Variants in SPG11 observed in about 807,000 individuals in gnomAD.
SPG11 encodes SPG11 vesicle trafficking associated, spatacsin, also known as spatacsin.
SPG11 carries 222 observed loss-of-function variants against 274.0 expected under a neutral mutation model. The observed-to-expected ratio is 0.81, with a 90% CI of 0.73 to 0.91. SPG11 has a LOEUF of 0.91. Among genes scored for constraint, SPG11 ranks in the 40% least tolerant of loss-of-function variants. SPG11 has a pLI of 0.00. For synonymous variants in SPG11, 1,144 were observed against 1,039.7 expected (o/e 1.10, Z -1.93); for missense variants, 3,114 against 2,872.7 (o/e 1.08, Z -1.92).
At chr15:44,598,981 T>C (rs2083115752) in intron 21 of SPG11, 145 bp from the exon 22 acceptor site, 1 of 817,144 alleles carries the variant, frequency 1.2e-6, no homozygotes, top group Non-Finnish European at 2.0e-6. Flanking sequence ...CCCTTGCACA[T>C]ACCCGTTTAG....
At chr15:44,648,112 C>T (rs1213657529) in intron 7 of SPG11, among the ~76,000 whole-genome samples, 1 of 152,170 alleles carries the variant, frequency 6.6e-6, no homozygotes, top group Non-Finnish European at 1.5e-5. Flanking sequence ...CAATCTGTCT[C>T]ATATGGTTGT....
rs868063451 is a variant in SPG11 at position 44,610,344 on chromosome 15, G to A, written c.3291+496C>T. Among the ~76,000 whole-genome samples, 7 of 151,806 alleles carry A rather than the reference G, an allele frequency of 4.6e-5. No individual in the cohort carries two copies. In the South Asian group the frequency reaches 1.2e-3, roughly 27 times the overall value. On this transcript the variant is annotated intron_variant, in intron 18 of 39. Transcript: ENST00000261866. ...GCTGGAATTACAAATGTGAGCCACCGCACTTGGCTTCATTCACTTTAAACT... is the reference window on the plus strand; with the variant it reads ...GCTGGAATTACAAATGTGAGCCACCACACTTGGCTTCATTCACTTTAAACT...
At chr15:44,657,330 T>C (rs1355858827) in intron 3 of SPG11, 34 bp from the exon 4 acceptor site, 1 of 1,592,374 alleles carries the variant, frequency 6.3e-7, no homozygotes, top group East Asian at 2.2e-5. Flanking sequence ...ATGCCAGTTT[T>C]GTAAGTATGC....
chr15:44,569,183 AAG>A (rs1491260144), intron 35 of SPG11, among the ~76,000 whole-genome samples: 3 of 149,602 alleles, frequency 2.0e-5, no homozygotes, highest in Non-Finnish European at 4.4e-5. Flanking sequence ...AAAAAAGAAA[AAG>A]AAAAAAAAAA....
intron 7 of SPG11, 94 bp from the exon 8 acceptor site, chr15:44,633,731 T>TG: frequency 7.4e-7 from 1 of 1,359,418 alleles, no homozygotes; most frequent in Non-Finnish European, 1.0e-6. Flanking sequence ...GAATTTAATG[T>TG]GGTGAGACTA....
Position 44,563,134 on chromosome 15 carries a change from A to G in SPG11, c.7319T>C (p.Met2440Thr), listed in dbSNP as rs2082227527. The G allele has an allele frequency of 6.2e-7, 1 of 1,614,168 alleles. No individual in the cohort carries two copies. The highest frequency in any genetic ancestry group is 2.2e-5 in the East Asian group (1 of 44,868). ...DPQTGCCLKD[M>T]LAG Reference sequence around the variant, plus strand: ...CTATGAAATCATCTAACCTGCTAGCATGTCCTTTAGACAGCAACCTGTCTG... The same window carrying G: ...CTATGAAATCATCTAACCTGCTAGCGTGTCCTTTAGACAGCAACCTGTCTG... The change falls in exon 40 of 40, where the codon ATG becomes ACG. Residue 2440 changes from methionine to threonine, a missense_variant. Transcript: ENST00000261866.
intron 30 of SPG11, among the ~76,000 whole-genome samples, chr15:44,580,464 CAGAG>C (rs1251329509): frequency 6.6e-6 from 1 of 152,032 alleles, no homozygotes. Context: ...ATCTGAACAA[CAGAG>C]AGAAAAAAAG....
At chr15:44,650,783 T>C (rs1051211928) in intron 6 of SPG11, among the ~76,000 whole-genome samples, 7 of 152,158 alleles carry the variant, frequency 4.6e-5, no homozygotes, top group African/African-American at 1.7e-4. Flanking sequence ...GGAGTCTCAC[T>C]GTCTCCCAGG....
In SPG11 at chr15:44,592,693, G is replaced by A. The variant is rs1057376870; in HGVS notation, c.4636-255C>T. Among the ~76,000 whole-genome samples the A allele has an allele frequency of 5.3e-5, 8 of 152,072 alleles. 1 individual carries two copies. The highest frequency in any genetic ancestry group is 3.9e-4 in the Admixed American group (6 of 15,278). Reference sequence around the variant, plus strand: ...AAAGTAGCCAGGCATGGTGGTGCATGCCTGCAATCACAGCTACTCCAGAGG... The same window carrying A: ...AAAGTAGCCAGGCATGGTGGTGCATACCTGCAATCACAGCTACTCCAGAGG... On this transcript the variant is annotated intron_variant, in intron 26 of 39. Coordinates refer to ENST00000261866, the MANE Select transcript of SPG11 (RefSeq NM_025137.4).
intron 26 of SPG11, among the ~76,000 whole-genome samples, chr15:44,593,949 T>C (rs1307096110): frequency 6.6e-5 from 10 of 150,628 alleles, no homozygotes; most frequent in African/African-American, 2.2e-4. Context: ...TTTGTATTTT[T>C]AGTAGAGACG....
chr15:44,638,200 G>T (rs1165399337), intron 7 of SPG11, among the ~76,000 whole-genome samples: 1 of 152,160 alleles, frequency 6.6e-6, no homozygotes, highest in Non-Finnish European at 1.5e-5. Context: ...GGTGGCTCAC[G>T]CCTGTAATCC....
intron 27 of SPG11, 71 bp from the exon 28 acceptor site, chr15:44,589,485 G>C: frequency 1.9e-6 from 3 of 1,588,598 alleles, no homozygotes; most frequent in Non-Finnish European, 2.6e-6. Flanking sequence ...TCCAAATCTG[G>C]GAACCTCTAA....
rs2140920859 is a variant in SPG11, at chr15:44,569,428, A to T, written c.6555T>A (p.Phe2185Leu). ...IFDLLHKKHY[F>L]EVLMRKKLDP... ...CCAACTTCTTCCTCATTAGCACTTC[A>T]AAGTAGTGCTTTTTATGCAGCAAAT... is the stretch of plus-strand genomic sequence containing the variant. The change falls in exon 35 of 40, where the codon TTT (phenylalanine) becomes TTA (leucine). Residue 2185 changes from phenylalanine to leucine, a missense_variant. Physicochemically the swap from Phe to Leu is conservative, Grantham distance 22 (BLOSUM62 0). Coordinates refer to ENST00000261866, the MANE Select transcript of SPG11 (RefSeq NM_025137.4). 3 of 1,606,486 alleles carry T rather than the reference A, an allele frequency of 1.9e-6. No individual in the cohort carries two copies. The highest frequency in any genetic ancestry group is 2.6e-6 in the Non-Finnish European group (3 of 1,175,804).
chr15:44,655,221 A>G (rs2084904117), intron 4 of SPG11, among the ~76,000 whole-genome samples: 1 of 152,156 alleles, frequency 6.6e-6, no homozygotes, highest in African/African-American at 2.4e-5. Context: ...TGGGCCCAGG[A>G]GTTTGAGTCC....
intron 24 of SPG11, 107 bp downstream of exon 24, chr15:44,596,660 CAAAAAAAAAAAAAAAAA>C (rs5812279): frequency 8.1e-5 from 22 of 271,424 alleles, no homozygotes; most frequent in South Asian, 2.1e-4. Context: ...GTATCCTGGT[CAAAAAAAAAAAAAAAAA>C]AAAAAAAAAA....
chr15:44,660,344 T>C, intron 2 of SPG11, 88 bp downstream of exon 2: 1 of 1,245,028 alleles, frequency 8.0e-7, no homozygotes, highest in Non-Finnish European at 1.2e-6. Context: ...TAGACCTGAT[T>C]TCACCTCTAT....
rs756847430 is a variant in SPG11, at chr15:44,620,354, G to C, written c.2670C>G (p.Arg890=). ...ATAAGATAATGTTTAACCAATCATG[G>C]CGAGCTGTGAGGTATCTCCAGAGGG... ...PEALWRYLTA[R]HDWLNIILWI... The change falls in exon 15 of 40, where the codon CGC becomes CGG. Residue 890 remains arginine, a synonymous_variant. Transcript: ENST00000261866. 2.5e-6 allele frequency: 4 copies of C among 1,613,970 alleles called. No homozygotes were observed. The South Asian group carries it at 4.4e-5, about 18-fold the overall frequency.
chr15:44,632,667 C>A (rs1000551146), intron 8 of SPG11, among the ~76,000 whole-genome samples: 13 of 151,838 alleles, frequency 8.6e-5, no homozygotes, highest in Admixed American at 1.3e-4. Flanking sequence ...GTCATCATGC[C>A]CAACTAATTT....
At chr15:44,563,911 A>G (rs117363751) in intron 39 of SPG11, among the ~76,000 whole-genome samples, 2 of 152,238 alleles carry the variant, frequency 1.3e-5, no homozygotes, top group African/African-American at 2.4e-5. Flanking sequence ...GCTTGATAAA[A>G]TATTTCTTTA....
Sources: allele counts gnomAD v4.1 joint callset (sites outside exome capture counted in the v4.1 genomes callset), GRCh38; gene constraint gnomAD v4.1.1; transcripts MANE v1.5; gene names NCBI Gene and HGNC (gene_info 2026-07-23, HGNC 2026-07-21).